Variants in JAK1 observed in about 807,000 individuals in gnomAD.
JAK1 encodes the protein tyrosine-protein kinase JAK1.
Under a neutral mutation model 136.6 loss-of-function variants are expected in JAK1, and 16 were observed. That is an observed-to-expected ratio of 0.12 (90% CI 0.08 to 0.18). JAK1 has a LOEUF of 0.18. Ranked by LOEUF, JAK1 falls within the 10% of genes least tolerant of loss-of-function variation. The probability of loss-of-function intolerance (pLI) is 1.00; values close to 1 mark genes in which losing one functional copy is unlikely to be tolerated. For synonymous variants in JAK1, 492 were observed against 519.5 expected, an observed-to-expected ratio of 0.95 and a Z score of 0.72; for missense variants, 859 against 1,450.1, an observed-to-expected ratio of 0.59 and a Z score of 6.62.
chr1:65,054,061 A>AT (rs1408963626), intron 1 of JAK1, among the ~76,000 whole-genome samples: 1 of 152,174 alleles, frequency 6.6e-6, no homozygotes, highest in Non-Finnish European at 1.5e-5. Flanking sequence ...TTTTAAAAGC[A>AT]TGACCCTAAG....
At chr1:64,973,962 T>C (rs1646476285) in intron 2 of JAK1, 1 of 152,210 alleles carries the variant, frequency 6.6e-6, no homozygotes, top group Non-Finnish European at 1.5e-5. Context: ...CAATAGATAT[T>C]TGCTAAAGCT....
intron 1 of JAK1, among the ~76,000 whole-genome samples, chr1:64,921,960 G>T (rs757587777): frequency 6.6e-6 from 1 of 151,770 alleles, no homozygotes; most frequent in African/African-American, 2.4e-5. Context: ...TAAGTAACTG[G>T]CTGCAAATCA....
chr1:65,051,832 A>C (rs531659814), intron 1 of JAK1, among the ~76,000 whole-genome samples: 1 of 152,254 alleles, frequency 6.6e-6, no homozygotes, highest in African/African-American at 2.4e-5. Context: ...AGCAACGTAT[A>C]ATCAGCTTAC....
chr1:64,916,975 G>T (rs963850041), intron 1 of JAK1, among the ~76,000 whole-genome samples: 2 of 152,058 alleles, frequency 1.3e-5, no homozygotes, highest in African/African-American at 4.8e-5. Context: ...CAAAGAAAGT[G>T]GAGGGGAGAA....
chr1:65,028,116 A>T (rs1430278266), intron 2 of JAK1, among the ~76,000 whole-genome samples: 1 of 152,074 alleles, frequency 6.6e-6, no homozygotes, highest in Non-Finnish European at 1.5e-5. Context: ...TTCTTGTCTG[A>T]AATATTTCCT....
intron 1 of JAK1, chr1:65,058,293 ACT>A: frequency 1.2e-5 from 5 of 433,990 alleles, no homozygotes; most frequent in South Asian, 8.7e-5. Context: ...AAGCAGAATA[ACT>A]CTCCCTATGC....
intron 2 of JAK1, among the ~76,000 whole-genome samples, chr1:65,027,116 G>A (rs1002284315): frequency 4.6e-5 from 7 of 151,418 alleles, no homozygotes; most frequent in Non-Finnish European, 8.8e-5. Flanking sequence ...GTGCGATCTC[G>A]ACTCACTGCA....
At chr1:64,983,343 A>C (rs1485391143) in intron 2 of JAK1, among the ~76,000 whole-genome samples, 1 of 152,218 alleles carries the variant, frequency 6.6e-6, no homozygotes, top group East Asian at 1.9e-4. Flanking sequence ...TGGTCATGGT[A>C]ACAGACATAG....
At chr1:64,957,678 C>T (rs1490596384) in intron 1 of JAK1, among the ~76,000 whole-genome samples, 1 of 151,522 alleles carries the variant, frequency 6.6e-6, no homozygotes, top group Non-Finnish European at 1.5e-5. Context: ...GGCGTGGTGG[C>T]GGGAGCCTGT....
rs1409622807 is a variant in JAK1 at position 64,855,511 on chromosome 1, C to T, written c.1646G>A (p.Arg549Gln). ...MLKRCCQPKP[R>Q]EISNLLVATK... ...GGCTCTGGCACAGGGAGACGAACCTCGGGGCTTGGGCTGGCAGCAGCGTTT... is the reference window on the plus strand; with the variant it reads ...GGCTCTGGCACAGGGAGACGAACCTTGGGGCTTGGGCTGGCAGCAGCGTTT... The change falls in exon 11 of 25, where the codon CGA (arginine) becomes CAA (glutamine). Residue 549 changes from arginine (R) to glutamine (Q), a missense_variant and splice_region_variant. Transcript: ENST00000342505. 1.2e-6 allele frequency: 2 copies of T among 1,613,628 alleles called. No individual in the cohort carries two copies. Among genetic ancestry groups the T allele is most frequent in the Non-Finnish European group, 1.7e-6 (2 of 1,179,710 alleles).
chr1:64,991,545 T>C (rs1646657175), intron 2 of JAK1: 1 of 152,228 alleles, frequency 6.6e-6, no homozygotes, highest in African/African-American at 2.4e-5. Context: ...TTTAATTAGT[T>C]TGATCACCAG....
chr1:64,898,611 C>T (rs1570732520), intron 1 of JAK1, among the ~76,000 whole-genome samples: 1 of 152,170 alleles, frequency 6.6e-6, no homozygotes, highest in East Asian at 1.9e-4. Flanking sequence ...TTATTAGAAC[C>T]TGATTTTGAC....
chr1:64,971,145 G>GA (rs1170517223), upstream of JAK1, among the ~76,000 whole-genome samples: 2 of 152,160 alleles, frequency 1.3e-5, no homozygotes, highest in African/African-American at 2.4e-5. Flanking sequence ...GGAATCTGGA[G>GA]AAAAAATTGA....
In JAK1 at chr1:64,857,646, C is replaced by A; in HGVS notation, c.1458+10G>T. 6.2e-7 allele frequency: 1 copy of A among 1,613,898 alleles called. No homozygotes were observed. The highest frequency in any genetic ancestry group is 1.1e-5 in the South Asian group (1 of 91,056). On this transcript the variant is annotated intron_variant, in intron 10 of 24. Transcript: ENST00000342505. ...TGTATGGCCTGGTCCAAGCCAGTGT[C>A]CTGACTGACCTCAGACTTCTCAAAG...
intron 2 of JAK1, among the ~76,000 whole-genome samples, chr1:65,024,694 A>G (rs375236731): frequency 0.014 from 2,072 of 150,868 alleles, 53 homozygotes; most frequent in African/African-American, 0.049. Flanking sequence ...AGAAAAAAAA[A>G]GGCTAGGGGT....
Position 64,839,878 on chromosome 1 carries a change from C to T in JAK1, c.2650-83G>A, listed in dbSNP as rs34807283. On this transcript the variant is annotated intron_variant, in intron 19 of 24. Transcript: ENST00000342505. ...ACACAGAAGTCTTGCTCCTCACAGC[C>T]GTTCCCCTGAGGGCCAGGGGTTCTC... 41 of 1,222,740 alleles carry T rather than the reference C, an allele frequency of 3.4e-5. 1 individual carries two copies. The highest frequency in any genetic ancestry group is 2.2e-4 in the Admixed American group (8 of 36,642). The allele number at this position is 1,222,740 out of a possible 1,614,324, so 75.7% of individuals were successfully genotyped here.
At chr1:64,903,489 T>A (rs1281383406) in intron 1 of JAK1, among the ~76,000 whole-genome samples, 1 of 152,206 alleles carries the variant, frequency 6.6e-6, no homozygotes, top group Non-Finnish European at 1.5e-5. Context: ...GGTGAGCTTC[T>A]AATACAAATG....
At chr1:64,926,631 C>T (rs1392938877) in intron 1 of JAK1, among the ~76,000 whole-genome samples, 1 of 152,124 alleles carries the variant, frequency 6.6e-6, no homozygotes, top group African/African-American at 2.4e-5. Context: ...GATGTGGCTG[C>T]CATTCTATAC....
intron 2 of JAK1, among the ~76,000 whole-genome samples, chr1:65,000,373 C>T (rs904064034): frequency 4.6e-5 from 7 of 151,954 alleles, no homozygotes; most frequent in African/African-American, 1.7e-4. Context: ...CAAGATGAGT[C>T]CTGCCTGTAA....
Sources: gnomAD v4.1 joint callset for allele counts (sites outside exome capture counted in the v4.1 genomes callset) on GRCh38, gnomAD v4.1.1 for gene constraint, MANE v1.5 for transcripts, NCBI Gene and HGNC (gene_info 2026-07-23, HGNC 2026-07-21) for gene names.